The following BEND4 variants were observed in gnomAD, a reference collection of about 807,000 sequenced individuals.
BEND4 encodes the protein BEN domain-containing protein 4.
BEND4 carries 27 observed loss-of-function variants against 54.7 expected under a neutral mutation model. That is an observed-to-expected ratio of 0.49 (90% CI 0.36 to 0.68). The LOEUF is 0.68. Ranked by LOEUF, BEND4 falls within the 30% of genes least tolerant of loss-of-function variation. The pLI, the probability that BEND4 is intolerant of heterozygous loss-of-function variation, is 0.00. For missense variants in BEND4, 702 were observed against 697.2 expected (o/e 1.01, Z -0.08); for synonymous variants, 327 against 299.5 (o/e 1.09, Z -0.95).
At chr4:42,119,790 A>G (rs1560574707) in intron 5 of BEND4, among the ~76,000 whole-genome samples, 1 of 152,188 alleles carries the variant, frequency 6.6e-6, no homozygotes, top group Non-Finnish European at 1.5e-5. Context: ...CTTCTCTGGC[A>G]GCAAAGAAAA....
chr4:42,139,590 A>AG (rs201728400), intron 3 of BEND4, among the ~76,000 whole-genome samples: 1 of 150,338 alleles, frequency 6.7e-6, no homozygotes, highest in Non-Finnish European at 1.5e-5. Flanking sequence ...GCTTTATTTC[A>AG]GAAAAAAAAA....
At chr4:42,125,003 T>C (rs1720216701) in intron 4 of BEND4, among the ~76,000 whole-genome samples, 1 of 152,192 alleles carries the variant, frequency 6.6e-6, no homozygotes. Context: ...ATGGGGATTG[T>C]CCATGGTTCT....
At chr4:42,135,060 T>G (rs1211749852) in intron 3 of BEND4, among the ~76,000 whole-genome samples, 1 of 152,084 alleles carries the variant, frequency 6.6e-6, no homozygotes, top group African/African-American at 2.4e-5. Context: ...CTGGGGCTGT[T>G]TGGGGGAGAG....
At chr4:42,147,268 C>T (rs1045696958) in intron 2 of BEND4, among the ~76,000 whole-genome samples, 10 of 152,138 alleles carry the variant, frequency 6.6e-5, no homozygotes, top group African/African-American at 2.2e-4. Context: ...CCATTACATT[C>T]GGTGGAAAAC....
intron 5 of BEND4, chr4:42,119,835 C>T (rs562409042): frequency 5.1e-5 from 28 of 545,354 alleles, no homozygotes; most frequent in African/African-American, 4.3e-4. Flanking sequence ...AGGTGCTATG[C>T]GATGCTTATG....
intron 3 of BEND4, among the ~76,000 whole-genome samples, chr4:42,137,169 A>C (rs566804335): frequency 2.0e-5 from 3 of 152,224 alleles, no homozygotes; most frequent in Non-Finnish European, 4.4e-5. Flanking sequence ...TAAAATAGGA[A>C]TGATATTAAT....
At chr4:42,135,085 T>C (rs1245286811) in intron 3 of BEND4, among the ~76,000 whole-genome samples, 3 of 152,078 alleles carry the variant, frequency 2.0e-5, no homozygotes, top group Non-Finnish European at 2.9e-5. Flanking sequence ...GAGTCTGGTA[T>C]GGGAGGGACT....
In BEND4 at chr4:42,120,167, G is replaced by A; in HGVS notation, c.1274C>T (p.Thr425Ile). 1 of 1,613,972 alleles carries A rather than the reference G, an allele frequency of 6.2e-7. No individual in the cohort carries two copies. Among genetic ancestry groups the A allele is most frequent in the Non-Finnish European group, 8.5e-7 (1 of 1,179,880 alleles). Reference protein sequence around the residue: ...LRYLIRFVFTTDELKYSCGLG... With the variant: ...LRYLIRFVFTIDELKYSCGLG... ...GCCGCATGAGTACTTAAGCTCATCG[G>A]TTGTGAAAACAAATCTGATGAGGTA... The change falls in exon 5 of 6, where the codon ACC (threonine) becomes ATC (isoleucine). Residue 425 changes from threonine to isoleucine, a missense_variant. Thr to Ile is a moderately conservative substitution (Grantham distance 89, BLOSUM62 -1). Coordinates refer to ENST00000502486, the MANE Select transcript of BEND4 (RefSeq NM_207406.4).
intron 2 of BEND4, among the ~76,000 whole-genome samples, chr4:42,147,291 C>T (rs1373068957): frequency 6.6e-6 from 1 of 151,936 alleles, no homozygotes; most frequent in East Asian, 1.9e-4. Flanking sequence ...CAAATCTTTC[C>T]ACTTAATACA....
At chr4:42,145,112 G>A (rs752450451) in intron 2 of BEND4, among the ~76,000 whole-genome samples, 3 of 152,152 alleles carry the variant, frequency 2.0e-5, no homozygotes, top group Non-Finnish European at 4.4e-5. Context: ...AGCTCTCTCT[G>A]AAAATGTTGA....
Position 42,120,254 on chromosome 4 carries a change from G to C in BEND4, c.1187C>G (p.Thr396Arg). The change falls in exon 5 of 6, where the codon ACG (threonine) becomes AGG (arginine). Residue 396 changes from threonine (T) to arginine (R), a missense_variant. Coordinates refer to ENST00000502486, the MANE Select transcript of BEND4 (RefSeq NM_207406.4). Reference protein sequence around the residue: ...QLLNNYPVYITSKQWDEAVNS... With the variant: ...QLLNNYPVYIRSKQWDEAVNS... ...TACAGCCTCATCCCACTGTTTGCTC[G>C]TTATGTAGACAGGATAGTTGTTCAA... 6.2e-7 allele frequency: 1 copy of C among 1,613,142 alleles called. No individual in the cohort carries two copies. Among genetic ancestry groups the C allele is most frequent in the Non-Finnish European group, 8.5e-7 (1 of 1,179,354 alleles).
At chr4:42,140,590 A>G (rs996595526) in intron 3 of BEND4, among the ~76,000 whole-genome samples, 1 of 152,204 alleles carries the variant, frequency 6.6e-6, no homozygotes, top group African/African-American at 2.4e-5. Flanking sequence ...TGGGAAGTAC[A>G]AAAGACAATG....
chr4:42,147,618 A>G (rs1721121966), intron 2 of BEND4, among the ~76,000 whole-genome samples: 1 of 152,060 alleles, frequency 6.6e-6, no homozygotes, highest in Admixed American at 6.5e-5. Context: ...ATGTTAATAA[A>G]TCACAATCAC....
At chr4:42,142,197 C>T (rs565542607) in intron 3 of BEND4, among the ~76,000 whole-genome samples, 3 of 151,274 alleles carry the variant, frequency 2.0e-5, no homozygotes, top group Admixed American at 6.6e-5. Context: ...TGAGCCACTG[C>T]GCCCGGCCTC....
intron 4 of BEND4, 118 bp downstream of exon 4, chr4:42,125,465 A>G (rs894806871): frequency 5.3e-6 from 4 of 747,996 alleles, no homozygotes; most frequent in Admixed American, 4.3e-5. Flanking sequence ...CAACAGACCC[A>G]TAAACCTCAG....
chr4:42,120,345 G>A, intron 4 of BEND4, 51 bp from the exon 5 acceptor site: 1 of 1,572,056 alleles, frequency 6.4e-7, no homozygotes, highest in Non-Finnish European at 8.7e-7. Context: ...CCAGCCAGAA[G>A]CAGAAGTGAT....
At chr4:42,142,949 A>G (rs10022087) in intron 3 of BEND4, among the ~76,000 whole-genome samples, 25,395 of 152,198 alleles carry the variant, frequency 0.17, 2,207 homozygotes, top group Middle Eastern at 0.19. Flanking sequence ...GTACTACTTG[A>G]GTCCTGCCTC....
chr4:42,134,975 G>A (rs1720645894), intron 3 of BEND4, among the ~76,000 whole-genome samples: 2 of 152,214 alleles, frequency 1.3e-5, no homozygotes, highest in Admixed American at 1.3e-4. Flanking sequence ...AGAACCTTGT[G>A]TGTCACACTG....
chr4:42,142,988 T>C (rs1391804825), intron 3 of BEND4, among the ~76,000 whole-genome samples: 2 of 152,356 alleles, frequency 1.3e-5, no homozygotes, highest in African/African-American at 2.4e-5. Flanking sequence ...ATTTCTATCA[T>C]TGACTAATAA....
Sources: allele counts gnomAD v4.1 joint callset (sites outside exome capture counted in the v4.1 genomes callset), GRCh38; gene constraint gnomAD v4.1.1; transcripts MANE v1.5; gene names NCBI Gene and HGNC (gene_info 2026-07-23, HGNC 2026-07-21).